DOCK1: variants seen among roughly 807,000 people sequenced by gnomAD.
The protein encoded by DOCK1 is dedicator of cytokinesis protein 1.
In DOCK1, 138 loss-of-function variants were observed where a neutral mutation model predicts 262.7. The observed-to-expected ratio is 0.53, with a 90% CI of 0.46 to 0.61. The LOEUF (loss-of-function observed/expected upper bound fraction) is 0.61. Ranked by LOEUF, DOCK1 falls within the 20% of genes least tolerant of loss-of-function variation. The pLI, the probability that DOCK1 is intolerant of heterozygous loss-of-function variation, is 0.00. For synonymous variants in DOCK1, 866 were observed against 867.4 expected, an observed-to-expected ratio of 1.00 and a Z score of 0.03; for missense variants, 1,908 against 2,370.7, an observed-to-expected ratio of 0.80 and a Z score of 4.05.
intron 27 of DOCK1, chr10:127,146,225 A>G (rs2051837582): frequency 3.8e-6 from 1 of 260,998 alleles, no homozygotes; most frequent in South Asian, 3.7e-5. Flanking sequence ...GGCTGGGACT[A>G]TCAGTATAAT....
At chr10:126,978,087 A>G (rs573496865) in intron 3 of DOCK1, 99 bp downstream of exon 3, 57 of 1,203,660 alleles carry the variant, frequency 4.7e-5, no homozygotes, top group Middle Eastern at 4.4e-4. Context: ...TTTTACTTCT[A>G]TATCTCTTTC....
At chr10:127,149,157 A>C (rs1222286757) in intron 27 of DOCK1, among the ~76,000 whole-genome samples, 2 of 152,150 alleles carry the variant, frequency 1.3e-5, no homozygotes, top group African/African-American at 4.8e-5. Flanking sequence ...CATCCCTTGC[A>C]TAATTGTAAA....
intron 27 of DOCK1, among the ~76,000 whole-genome samples, chr10:127,132,528 C>A (rs12769565): frequency 1.3e-5 from 2 of 152,054 alleles, no homozygotes; most frequent in Non-Finnish European, 2.9e-5. Context: ...TTCAGCCTTC[C>A]TTTTTGAGAA....
At chr10:127,047,736 A>C (rs2135696625) in intron 21 of DOCK1, among the ~76,000 whole-genome samples, 1 of 152,228 alleles carries the variant, frequency 6.6e-6, no homozygotes, top group Non-Finnish European at 1.5e-5. Context: ...CCTGTTCTTA[A>C]ACTTTACACC....
At chr10:127,001,317 A>G (rs149054254) in intron 10 of DOCK1, 1 of 152,294 alleles carries the variant, frequency 6.6e-6, no homozygotes, top group East Asian at 1.9e-4. Context: ...CATTATTTTT[A>G]GAAGAGTTTT....
intron 31 of DOCK1, among the ~76,000 whole-genome samples, chr10:127,353,489 T>C (rs756064148): frequency 1.2e-4 from 18 of 152,168 alleles, no homozygotes; most frequent in Non-Finnish European, 2.2e-4. Flanking sequence ...TCCCCAACCA[T>C]GGACGGGCCT....
intron 29 of DOCK1, among the ~76,000 whole-genome samples, chr10:127,325,826 A>G (rs1384472411): frequency 1.3e-5 from 2 of 152,202 alleles, no homozygotes; most frequent in African/African-American, 4.8e-5. Flanking sequence ...AGGTGATTAT[A>G]TCTTAACTCT....
chr10:126,997,850 C>A (rs1030249982), intron 7 of DOCK1: 1 of 491,640 alleles, frequency 2.0e-6, no homozygotes, highest in Admixed American at 3.3e-5. Flanking sequence ...TGGATGGACA[C>A]CTGAAAGTTT....
At chr10:127,172,934 G>A (rs1464334230) in intron 27 of DOCK1, among the ~76,000 whole-genome samples, 1 of 152,216 alleles carries the variant, frequency 6.6e-6, no homozygotes, top group South Asian at 2.1e-4. Flanking sequence ...TGACTGCTGT[G>A]ACTGTGAAGT....
chr10:127,451,197 A>G, intron 51 of DOCK1, 135 bp from the exon 52 acceptor site: 1 of 965,270 alleles, frequency 1.0e-6, no homozygotes, highest in Non-Finnish European at 1.5e-6. Flanking sequence ...CAAGTCGGAC[A>G]GGATGGAGCC....
At chr10:127,438,913 T>TAAA in intron 48 of DOCK1, 114 bp from the exon 49 acceptor site, 1 of 1,173,150 alleles carries the variant, frequency 8.5e-7, no homozygotes, top group South Asian at 1.6e-5. Flanking sequence ...GCCTCCCTTT[T>TAAA]AAATCACTGC....
chr10:127,373,640 C>A, intron 33 of DOCK1, 141 bp from the exon 34 acceptor site: 1 of 719,068 alleles, frequency 1.4e-6, no homozygotes, highest in South Asian at 1.8e-5. Context: ...TCTGTGTTGG[C>A]AACTCTTAAA....
intron 46 of DOCK1, among the ~76,000 whole-genome samples, chr10:127,421,401 G>A (rs2068500198): frequency 6.6e-6 from 1 of 152,120 alleles, no homozygotes; most frequent in Admixed American, 6.5e-5. Context: ...ATAATTCTAA[G>A]TGCTTATACT....
In DOCK1 at chr10:127,107,356, C is replaced by A. The variant is rs919323779; in HGVS notation, c.2516+1055C>A. Among the ~76,000 whole-genome samples, 76 of 152,134 alleles carry A rather than the reference C, an allele frequency of 5.0e-4. 4 individuals are homozygous for A. Among genetic ancestry groups the A allele is most frequent in the Non-Finnish European group, 4.4e-5 (3 of 68,032 alleles). On this transcript the variant is annotated intron_variant, in intron 24 of 51. Transcript: ENST00000623213. ...ATGTCTACCATAGGTCACTCGTGCC[C>A]TGGAATTGAAGGGCGAGGGGCTCTC...
chr10:127,152,536 G>A (rs1031182243), intron 27 of DOCK1, among the ~76,000 whole-genome samples: 5 of 152,166 alleles, frequency 3.3e-5, no homozygotes, highest in Admixed American at 2.0e-4. Context: ...ACACTCTAAG[G>A]TGGGGGTGGT....
chr10:127,418,591 G>A lies in DOCK1; in HGVS notation c.4692+50G>A, dbSNP rs1028015764. On this transcript the variant is annotated intron_variant, in intron 45 of 51. Transcript: ENST00000623213. The stretch of plus-strand genomic sequence containing the variant: ...GGGCAAGCAGTCCTGCCCGGGGACA[G>A]ACTGAAAATTCCCGAGAGTCCCCAA... The A allele has an allele frequency of 1.9e-6, 3 of 1,555,862 alleles. No individual in the cohort carries two copies. In the African/African-American group the frequency reaches 4.1e-5, roughly 21 times the overall value.
chr10:127,063,268 A>C (rs962935540), intron 23 of DOCK1, among the ~76,000 whole-genome samples: 7 of 152,214 alleles, frequency 4.6e-5, no homozygotes, highest in Admixed American at 6.5e-5. Flanking sequence ...TCTTAAAAAT[A>C]TTTTGGTCAA....
chr10:126,948,527 C>A (rs1425563626), intron 1 of DOCK1, among the ~76,000 whole-genome samples: 3 of 151,918 alleles, frequency 2.0e-5, no homozygotes, highest in Admixed American at 2.0e-4. Context: ...CTTTTGAGGG[C>A]ATCTGGATGA....
chr10:127,207,001 G>A (rs1448767234), intron 27 of DOCK1, among the ~76,000 whole-genome samples: 7 of 152,142 alleles, frequency 4.6e-5, no homozygotes, highest in African/African-American at 1.7e-4. Context: ...TACTTCTAAT[G>A]CTTTTGAGTT....
Sources: gnomAD v4.1 joint callset for allele counts (sites outside exome capture counted in the v4.1 genomes callset) on GRCh38, gnomAD v4.1.1 for gene constraint, MANE v1.5 for transcripts, NCBI Gene and HGNC (gene_info 2026-07-23, HGNC 2026-07-21) for gene names.